The following CTDSPL variants were observed in gnomAD, a reference collection of about 807,000 sequenced individuals.
CTDSPL encodes the protein CTD small phosphatase like, also known as CTD small phosphatase-like protein.
In CTDSPL, 8 loss-of-function variants were observed where a neutral mutation model predicts 30.5. The ratio of observed to expected loss-of-function variants is 0.26; its 90% confidence interval spans 0.15 to 0.47. CTDSPL has a LOEUF of 0.47. Among genes scored for constraint, CTDSPL ranks in the 20% least tolerant of loss-of-function variants. The pLI is 0.99. For missense variants in CTDSPL, 248 were observed against 366.1 expected, an observed-to-expected ratio of 0.68 and a Z score of 2.63; for synonymous variants, 110 against 137.9, an observed-to-expected ratio of 0.80 and a Z score of 1.42.
chr3:37,972,744 A>T (rs1699382210), intron 6 of CTDSPL, among the ~76,000 whole-genome samples: 1 of 151,928 alleles, frequency 6.6e-6, no homozygotes, highest in Non-Finnish European at 1.5e-5. Context: ...CTCCCAGGAG[A>T]TCTTTGCCTT....
chr3:37,948,814 T>TTTTTTCTTTC (rs1699073648), intron 2 of CTDSPL, among the ~76,000 whole-genome samples: 1 of 133,556 alleles, frequency 7.5e-6, no homozygotes, highest in African/African-American at 3.1e-5. Flanking sequence ...CTTTCTTTTT[T>TTTTTTCTTTC]TTTTTTTTTT....
chr3:37,949,905 T>C (rs1699088492), intron 2 of CTDSPL, among the ~76,000 whole-genome samples: 1 of 152,168 alleles, frequency 6.6e-6, no homozygotes, highest in Non-Finnish European at 1.5e-5. Flanking sequence ...ATTTATTCTC[T>C]CTGGTACTCA....
At chr3:37,938,229 G>A (rs1182651544) in intron 1 of CTDSPL, among the ~76,000 whole-genome samples, 1 of 149,982 alleles carries the variant, frequency 6.7e-6, no homozygotes, top group African/African-American at 2.4e-5. Context: ...GGTGTGGGTG[G>A]GTATGCTCAG....
At chr3:37,868,251 A>G (rs755827786) in intron 1 of CTDSPL, among the ~76,000 whole-genome samples, 1 of 151,916 alleles carries the variant, frequency 6.6e-6, no homozygotes, top group Non-Finnish European at 1.5e-5. Context: ...TCTTTTGCCC[A>G]TGTTCTAATT....
Position 37,862,538 on chromosome 3 carries a change from G to A in CTDSPL, c.79+260G>A, listed in dbSNP as rs949957273. Among the ~76,000 whole-genome samples the A allele has an allele frequency of 6.6e-6, 1 of 152,162 alleles. No homozygotes were observed. Among genetic ancestry groups the A allele is most frequent in the East Asian group, 1.9e-4 (1 of 5,178 alleles). On this transcript the variant is annotated intron_variant, in intron 1 of 7. Transcript: ENST00000273179. This position sits in a 1 kb window ranked among gnomAD's most constrained non-coding sequence, Gnocchi z 4.3. ...ACCGGGAGGTTGTGAGTTTGTGTGC[G>A]CGCACGCCCGCAGAGAAGTTGTGAG...
intron 1 of CTDSPL, among the ~76,000 whole-genome samples, chr3:37,942,938 C>T (rs968713416): frequency 6.7e-6 from 1 of 150,270 alleles, no homozygotes; most frequent in African/African-American, 2.4e-5. Flanking sequence ...GATGCAAAAT[C>T]AACAGCAGAG....
chr3:37,941,506 C>T lies in CTDSPL; in HGVS notation c.80-5551C>T, dbSNP rs559968528. On this transcript the variant is annotated intron_variant, in intron 1 of 7. Transcript: ENST00000273179. Reference sequence around the variant, plus strand: ...TGTCAGCTCACTGCAACTTGTGCCTCGGCCTCCTGAGTAGCTGGGATTACA... The same window carrying T: ...TGTCAGCTCACTGCAACTTGTGCCTTGGCCTCCTGAGTAGCTGGGATTACA... Among the ~76,000 whole-genome samples the T allele has an allele frequency of 2.7e-5, 4 of 148,316 alleles. No individual in the cohort carries two copies. In the South Asian group the frequency reaches 6.6e-4, roughly 25 times the overall value.
In CTDSPL at chr3:37,981,316, A is replaced by G. The variant is rs1027759634; in HGVS notation, c.*449A>G. On this transcript the variant is annotated 3_prime_UTR_variant, in exon 8 of 8. Coordinates refer to ENST00000273179, the MANE Select transcript of CTDSPL (RefSeq NM_001008392.2). The stretch of plus-strand genomic sequence containing the variant: ...GAGAGTTAATTTTTCTACACAACAT[A>G]TTTCCAGACATCTTTTAGTCTTTTA... 2.5e-5 allele frequency: 4 copies of G among 157,882 alleles called. No homozygotes were observed. The highest frequency in any genetic ancestry group is 9.7e-5 in the African/African-American group (4 of 41,446). The allele number at this position is 157,882 out of a possible 1,614,324, so 9.8% of individuals were successfully genotyped here. A position where few individuals can be genotyped will look rare whatever the true frequency, so the allele number is the denominator to read the frequency against.
intron 7 of CTDSPL, among the ~76,000 whole-genome samples, chr3:37,978,065 C>T (rs1283739623): frequency 1.3e-5 from 2 of 152,108 alleles, no homozygotes; most frequent in Non-Finnish European, 2.9e-5. Context: ...TCCCATGAAC[C>T]TTTCACCTCA....
chr3:37,921,067 G>C (rs1370739852), intron 1 of CTDSPL, among the ~76,000 whole-genome samples: 1 of 152,206 alleles, frequency 6.6e-6, no homozygotes, highest in Non-Finnish European at 1.5e-5. Flanking sequence ...GGGGAGTCCA[G>C]AGAGGAAGAG....
intron 1 of CTDSPL, among the ~76,000 whole-genome samples, chr3:37,895,876 C>CAA (rs145445161): frequency 1.4e-4 from 21 of 151,518 alleles, no homozygotes; most frequent in African/African-American, 5.1e-4. Context: ...AATTTCACCT[C>CAA]AAAAAAAACT....
chr3:37,897,961 G>A (rs1698407348), intron 1 of CTDSPL, among the ~76,000 whole-genome samples: 2 of 152,174 alleles, frequency 1.3e-5, no homozygotes, highest in Non-Finnish European at 2.9e-5. Context: ...CTGTCATAGA[G>A]AAAATGTGTT....
chr3:37,901,417 CATAAACCA>C (rs1477219049), intron 1 of CTDSPL, among the ~76,000 whole-genome samples: 5 of 152,144 alleles, frequency 3.3e-5, no homozygotes, highest in Non-Finnish European at 7.4e-5. Context: ...CCAGTCACTC[CATAAACCA>C]AAAAACCTAG....
At chr3:37,956,072 A>T (rs960438403) in intron 2 of CTDSPL, among the ~76,000 whole-genome samples, 1 of 152,220 alleles carries the variant, frequency 6.6e-6, no homozygotes, top group Non-Finnish European at 1.5e-5. Context: ...ACAAGCCGGA[A>T]ATCTGAAAAA....
intron 1 of CTDSPL, among the ~76,000 whole-genome samples, chr3:37,922,973 T>C (rs1262199405): frequency 1.3e-5 from 2 of 152,202 alleles, no homozygotes; most frequent in Admixed American, 1.3e-4. Flanking sequence ...TCACCAAGCT[T>C]CCTTCACTAC....
chr3:37,980,030 CTA>C (rs1380811631), intron 7 of CTDSPL, among the ~76,000 whole-genome samples: 1 of 152,142 alleles, frequency 6.6e-6, no homozygotes, highest in Admixed American at 6.6e-5. Context: ...TAATAAATGT[CTA>C]TGTTTCTAAG....
chr3:37,950,510 G>A (rs1699094665), intron 2 of CTDSPL, among the ~76,000 whole-genome samples: 1 of 152,176 alleles, frequency 6.6e-6, no homozygotes, highest in African/African-American at 2.4e-5. Flanking sequence ...GGTCACTGCT[G>A]GGAACTGAAT....
In CTDSPL at chr3:37,971,619, G is replaced by A. The variant is rs947951064; in HGVS notation, c.519+120G>A. The A allele has an allele frequency of 8.2e-6, 7 of 850,306 alleles. No individual in the cohort carries two copies. The Admixed American group carries it at 8.4e-5, about 10-fold the overall frequency. 52.7% of individuals were successfully genotyped at this position (850,306 alleles called of 1,614,324 possible). ...GGGGAAGCCATTTCTATGGTGACAG[G>A]TTCCCACCCCAGATGGGATGGATGC... On this transcript the variant is annotated intron_variant, in intron 6 of 7. Coordinates refer to ENST00000273179, the MANE Select transcript of CTDSPL (RefSeq NM_001008392.2).
Position 37,862,175 on chromosome 3 carries a change from CG to C in CTDSPL, c.-22del. On this transcript the variant is annotated 5_prime_UTR_variant, in exon 1 of 8. Transcript: ENST00000273179. The surrounding 1 kb of genome is among the most constrained non-coding windows in gnomAD (Gnocchi z 4.3). ...CTTGGCTTGCGGGGGGCCGGGCCTG[CG>C]GGCGGCCGCCGCGCCGCGCACCCAT... 1 of 1,117,068 alleles carries C rather than the reference CG, an allele frequency of 9.0e-7. No individual in the cohort carries two copies. The highest frequency in any genetic ancestry group is 1.1e-6 in the Non-Finnish European group (1 of 914,092). 69.2% of individuals were successfully genotyped at this position (1,117,068 alleles called of 1,614,324 possible). A position where few individuals can be genotyped will look rare whatever the true frequency, so the allele number is the denominator to read the frequency against.
Sources: allele counts gnomAD v4.1 joint callset (sites outside exome capture counted in the v4.1 genomes callset), GRCh38; gene constraint gnomAD v4.1.1; non-coding constraint Gnocchi (gnomAD v3.1); transcripts MANE v1.5; gene names NCBI Gene and HGNC (gene_info 2026-07-23, HGNC 2026-07-21).